The following LCORL variants were observed in gnomAD, a reference collection of about 807,000 sequenced individuals.
LCORL encodes the protein ligand-dependent nuclear receptor corepressor-like protein.
Under a neutral mutation model 141.8 loss-of-function variants are expected in LCORL, and 41 were observed. The observed-to-expected ratio is 0.29, with a 90% CI of 0.23 to 0.38. LCORL has a LOEUF of 0.38. Ranked by LOEUF, LCORL falls within the 10% of genes least tolerant of loss-of-function variation. The pLI, the probability that LCORL is intolerant of heterozygous loss-of-function variation, is 1.00. For synonymous variants in LCORL, 618 were observed against 694.1 expected, an observed-to-expected ratio of 0.89 and a Z score of 1.72; for missense variants, 1,759 against 2,035.0, an observed-to-expected ratio of 0.86 and a Z score of 2.61.
intron 1 of LCORL, among the ~76,000 whole-genome samples, chr4:17,990,060 C>T (rs1719685385): frequency 6.7e-6 from 1 of 148,800 alleles, no homozygotes; most frequent in African/African-American, 2.5e-5. Context: ...CCCACTTCGT[C>T]TTCTACCACC....
chr4:17,928,530 T>A (rs1735517402), intron 4 of LCORL, among the ~76,000 whole-genome samples: 1 of 152,182 alleles, frequency 6.6e-6, no homozygotes, highest in Non-Finnish European at 1.5e-5. Flanking sequence ...TGACAAAATA[T>A]AATTTCCTTC....
intron 5 of LCORL, among the ~76,000 whole-genome samples, chr4:17,904,683 CT>C (rs1371493875): frequency 2.6e-5 from 4 of 152,078 alleles, no homozygotes; most frequent in Non-Finnish European, 5.9e-5. Context: ...ACATTTCTGT[CT>C]TGCACTAAGA....
chr4:17,882,600 G>C, intron 6 of LCORL: 2 of 984,506 alleles, frequency 2.0e-6, no homozygotes, highest in Non-Finnish European at 2.4e-6. Context: ...ATCTATTCAA[G>C]ACCCTGAACA....
At chr4:17,928,777 G>T (rs1252763755) in intron 4 of LCORL, among the ~76,000 whole-genome samples, 1 of 152,154 alleles carries the variant, frequency 6.6e-6, no homozygotes, top group Non-Finnish European at 1.5e-5. Context: ...ATCTGGATTG[G>T]CAAGGAAGAA....
At chr4:17,998,518 GATC>G (rs1158663954) in intron 1 of LCORL, among the ~76,000 whole-genome samples, 2 of 151,842 alleles carry the variant, frequency 1.3e-5, no homozygotes, top group Non-Finnish European at 2.9e-5. Context: ...ACAGAGTAAG[GATC>G]ATCAATATTA....
At chr4:17,877,246 A>C in exon 7 of LCORL, 1 of 1,230,458 alleles carries the variant, frequency 8.1e-7, no homozygotes, top group Non-Finnish European at 1.0e-6. Context: ...ATAAAACTAT[A>C]ATCACTGGCT....
At chr4:17,882,540 A>G in intron 6 of LCORL, 1 of 984,708 alleles carries the variant, frequency 1.0e-6, no homozygotes, top group Non-Finnish European at 1.2e-6. Flanking sequence ...ATTAGTAGAG[A>G]GTTTACATTA....
At chr4:17,998,985 A>AATATAT (rs1274746631) in intron 1 of LCORL, among the ~76,000 whole-genome samples, 2,616 of 57,350 alleles carry the variant, frequency 0.046, 296 homozygotes, top group Middle Eastern at 0.15. Context: ...AAAAAAAAAA[A>AATATAT]ATATATATAT....
chr4:17,876,039 G>T (rs1316597030), exon 7 of LCORL: 1 of 1,230,960 alleles, frequency 8.1e-7, no homozygotes, highest in African/African-American at 1.6e-5. Context: ...ATTTGAATGG[G>T]AAGTGCCAAC....
At chr4:17,944,294 TACTC>T (rs1738474685) in intron 4 of LCORL, among the ~76,000 whole-genome samples, 1 of 152,206 alleles carries the variant, frequency 6.6e-6, no homozygotes, top group Admixed American at 6.5e-5. Context: ...TACTAGGTCT[TACTC>T]ATTCAATCTT....
intron 4 of LCORL, among the ~76,000 whole-genome samples, chr4:17,914,070 G>C (rs1385303715): frequency 6.6e-6 from 1 of 151,932 alleles, no homozygotes; most frequent in Non-Finnish European, 1.5e-5. Flanking sequence ...TACTTTTTTA[G>C]TCCAAACTAG....
chr4:18,004,486 T>C (rs1002351302), intron 1 of LCORL, among the ~76,000 whole-genome samples: 1 of 152,138 alleles, frequency 6.6e-6, no homozygotes, highest in African/African-American at 2.4e-5. Flanking sequence ...ATGAAACTCA[T>C]TCACTATCAT....
chr4:18,016,501 G>A (rs1724660457), intron 1 of LCORL, among the ~76,000 whole-genome samples: 1 of 152,122 alleles, frequency 6.6e-6, no homozygotes, highest in South Asian at 2.1e-4. Context: ...GTTGGCTGGA[G>A]CAACTACTGT....
intron 5 of LCORL, among the ~76,000 whole-genome samples, chr4:17,888,518 C>A (rs1040557393): frequency 3.9e-5 from 6 of 152,274 alleles, no homozygotes; most frequent in Non-Finnish European, 5.9e-5. Flanking sequence ...TGTCAAACTT[C>A]TACTCATCAA....
intron 4 of LCORL, among the ~76,000 whole-genome samples, chr4:17,960,796 GA>G (rs1333760431): frequency 1.3e-5 from 2 of 151,914 alleles, no homozygotes; most frequent in Non-Finnish European, 2.9e-5. Context: ...TTTGAAAAAA[GA>G]TTTGATTTTT....
chr4:17,905,522 A>G (rs1018708977), intron 5 of LCORL, among the ~76,000 whole-genome samples: 4 of 152,046 alleles, frequency 2.6e-5, no homozygotes, highest in Non-Finnish European at 4.4e-5. Context: ...TCGTATCAAG[A>G]TTATACCAAC....
intron 1 of LCORL, among the ~76,000 whole-genome samples, chr4:17,984,930 G>A (rs955795399): frequency 3.3e-5 from 5 of 152,148 alleles, no homozygotes; most frequent in African/African-American, 1.2e-4. Flanking sequence ...TCTTAGTTGT[G>A]CCCCAGAGAT....
At chr4:17,907,256 AG>A (rs1427038735) in intron 5 of LCORL, among the ~76,000 whole-genome samples, 1 of 152,216 alleles carries the variant, frequency 6.6e-6, no homozygotes, top group African/African-American at 2.4e-5. Context: ...TGTGGTGATG[AG>A]GAACGGGGGG....
At chr4:17,998,605 T>C (rs1215003862) in intron 1 of LCORL, among the ~76,000 whole-genome samples, 1 of 152,148 alleles carries the variant, frequency 6.6e-6, no homozygotes, top group Non-Finnish European at 1.5e-5. Context: ...CTGTCATCTA[T>C]GATAACAATG....
Sources: allele counts gnomAD v4.1 joint callset (sites outside exome capture counted in the v4.1 genomes callset), GRCh38; gene constraint gnomAD v4.1.1; transcripts MANE v1.5; gene names NCBI Gene and HGNC (gene_info 2026-07-23, HGNC 2026-07-21).